Variants in ASIC2 observed in about 807,000 individuals in gnomAD.
ASIC2 encodes acid sensing ion channel subunit 2, also known as acid-sensing ion channel 2.
A neutral mutation model predicts 57.3 loss-of-function variants in ASIC2; 25 were observed. The observed-to-expected ratio is 0.44, with a 90% CI of 0.32 to 0.61. The LOEUF is 0.61. ASIC2 is among the 20% of genes least tolerant of loss of function. The pLI, the probability that ASIC2 is intolerant of heterozygous loss-of-function variation, is 0.06. For missense variants in ASIC2, 641 were observed against 738.1 expected (o/e 0.87, Z 1.52); for synonymous variants, 319 against 307.5 (o/e 1.04, Z -0.39).
chr17:33,073,023 T>C (rs1444233749), intron 3 of ASIC2, among the ~76,000 whole-genome samples: 1 of 152,130 alleles, frequency 6.6e-6, no homozygotes, highest in African/African-American at 2.4e-5. Context: ...GTGGACAAAA[T>C]ATGAGCACGT....
chr17:33,785,734 C>T (rs1994661), intron 1 of ASIC2, among the ~76,000 whole-genome samples: 91,350 of 152,004 alleles, frequency 0.6, 28,197 homozygotes, highest in Non-Finnish European at 0.65. Context: ...AATGGTCAAA[C>T]GGTTGCTGAA....
chr17:33,038,897 C>A (rs1010695989), intron 3 of ASIC2, among the ~76,000 whole-genome samples: 3 of 152,200 alleles, frequency 2.0e-5, no homozygotes, highest in Non-Finnish European at 2.9e-5. Context: ...GCCTCCGCAG[C>A]CCTCGCAGCC....
At chr17:33,097,054 A>G (rs2092183631) in intron 2 of ASIC2, among the ~76,000 whole-genome samples, 1 of 152,240 alleles carries the variant, frequency 6.6e-6, no homozygotes, top group South Asian at 2.1e-4. Context: ...CACACAAAGC[A>G]GATCCAGAAT....
chr17:33,212,147 T>C (rs1391080), intron 1 of ASIC2, among the ~76,000 whole-genome samples: 61,783 of 152,126 alleles, frequency 0.41, 14,234 homozygotes, highest in African/African-American at 0.62. Context: ...GATAACTGTC[T>C]GCACAGATAT....
chr17:33,704,282 G>A (rs1908796687), intron 1 of ASIC2, among the ~76,000 whole-genome samples: 1 of 152,184 alleles, frequency 6.6e-6, no homozygotes, highest in Non-Finnish European at 1.5e-5. Flanking sequence ...GGAGATTCAA[G>A]ATGCTAATGA....
At chr17:33,187,631 T>C (rs1401033583) in intron 1 of ASIC2, among the ~76,000 whole-genome samples, 2 of 152,056 alleles carry the variant, frequency 1.3e-5, no homozygotes, top group South Asian at 2.1e-4. Context: ...AAGTCTTCTG[T>C]GGTAATGCAA....
rs937543341 is a variant in ASIC2, at chr17:34,038,666, G to A, written c.555+117312C>T. 2.2e-5 allele frequency: 35 copies of A among 1,583,410 alleles called. No homozygotes were observed. The African/African-American group carries it at 4.2e-4, about 19-fold the overall frequency. The stretch of plus-strand genomic sequence containing the variant: ...AACCCTTTCTAGCCTCTCCAGCTCT[G>A]CCTGGATCTCTGCTTCCTCCTTTTT... On this transcript the variant is annotated intron_variant, in intron 1 of 9. Coordinates refer to the ASIC2 transcript ENST00000359872.
chr17:33,808,813 G>A (rs1912339062), intron 1 of ASIC2, among the ~76,000 whole-genome samples: 1 of 152,160 alleles, frequency 6.6e-6, no homozygotes. Flanking sequence ...CTTGGTACAT[G>A]ACAAATAGTC....
intron 3 of ASIC2, among the ~76,000 whole-genome samples, chr17:33,082,700 AAAAATAAAT>A (rs1211619921): frequency 5.4e-5 from 7 of 130,526 alleles, no homozygotes; most frequent in Non-Finnish European, 9.5e-5. Context: ...CTCTGTCTCC[AAAAATAAAT>A]AAATAAATAA....
chr17:33,102,830 C>A (rs1160961547), intron 2 of ASIC2, among the ~76,000 whole-genome samples: 4 of 152,188 alleles, frequency 2.6e-5, no homozygotes, highest in Admixed American at 2.6e-4. Context: ...GTCGCCCAGG[C>A]TGGAGTGCAA....
chr17:33,348,720 G>C (rs1032610174), intron 1 of ASIC2, among the ~76,000 whole-genome samples: 1 of 152,092 alleles, frequency 6.6e-6, no homozygotes, highest in African/African-American at 2.4e-5. Context: ...GGACTGATAG[G>C]ATTGGGCCTG....
chr17:33,584,161 C>T (rs1904537060), intron 1 of ASIC2, among the ~76,000 whole-genome samples: 1 of 152,052 alleles, frequency 6.6e-6, no homozygotes, highest in Non-Finnish European at 1.5e-5. Context: ...ATAATAAAAC[C>T]CCCTCTACAT....
At chr17:33,671,721 G>T (rs1158389263) in intron 1 of ASIC2, among the ~76,000 whole-genome samples, 1 of 152,186 alleles carries the variant, frequency 6.6e-6, no homozygotes, top group Non-Finnish European at 1.5e-5. Context: ...TTGCTGGGGG[G>T]TAAAGTCCAG....
intron 1 of ASIC2, among the ~76,000 whole-genome samples, chr17:33,564,568 A>C (rs1916172984): frequency 6.6e-6 from 1 of 152,266 alleles, no homozygotes; most frequent in Non-Finnish European, 1.5e-5. Context: ...CAAAGGTTGC[A>C]GAGGCTATCC....
chr17:33,336,136 C>G (rs1228764854), intron 1 of ASIC2, among the ~76,000 whole-genome samples: 1 of 151,986 alleles, frequency 6.6e-6, no homozygotes, highest in Non-Finnish European at 1.5e-5. Flanking sequence ...CTGCTTGGGA[C>G]TTTGGATGCT....
intron 1 of ASIC2, among the ~76,000 whole-genome samples, chr17:33,599,141 G>C (rs924605457): frequency 5.1e-4 from 77 of 152,262 alleles, no homozygotes; most frequent in Non-Finnish European, 1.1e-3. Context: ...GGGTCAGTAA[G>C]ATCATGCTTT....
chr17:33,637,233 T>C (rs1165753693), intron 1 of ASIC2, among the ~76,000 whole-genome samples: 2 of 152,170 alleles, frequency 1.3e-5, no homozygotes, highest in Non-Finnish European at 2.9e-5. Context: ...TGTTTCTCCC[T>C]ACCTGCCTGT....
chr17:34,088,963 G>A (rs1368128213), intron 1 of ASIC2, among the ~76,000 whole-genome samples: 1 of 152,180 alleles, frequency 6.6e-6, no homozygotes, highest in Non-Finnish European at 1.5e-5. Context: ...ACTAGGAAAG[G>A]GAACCTCCTG....
At chr17:33,080,585 T>A (rs2092109289) in intron 3 of ASIC2, among the ~76,000 whole-genome samples, 1 of 152,180 alleles carries the variant, frequency 6.6e-6, no homozygotes, top group African/African-American at 2.4e-5. Context: ...TGATAAAGTT[T>A]AATTTATAAA....
Sources: allele counts gnomAD v4.1 joint callset (sites outside exome capture counted in the v4.1 genomes callset), GRCh38; gene constraint gnomAD v4.1.1; transcripts MANE v1.5; gene names NCBI Gene and HGNC (gene_info 2026-07-23, HGNC 2026-07-21).